The following UNC5C variants were observed in gnomAD, a reference collection of about 807,000 sequenced individuals.
UNC5C encodes the protein netrin receptor UNC5C.
UNC5C carries 47 observed loss-of-function variants against 99.8 expected under a neutral mutation model. The ratio of observed to expected loss-of-function variants is 0.47; its 90% CI spans 0.37 to 0.60. UNC5C has a LOEUF of 0.60. Among genes scored for constraint, UNC5C ranks in the 20% least tolerant of loss-of-function variants. UNC5C has a pLI of 0.00. For missense variants in UNC5C, 1,062 were observed against 1,165.9 expected, an observed-to-expected ratio of 0.91 and a Z score of 1.30; for synonymous variants, 487 against 452.2, an observed-to-expected ratio of 1.08 and a Z score of -0.98.
At chr4:95,187,888 C>T (rs1736899060) in intron 12 of UNC5C, among the ~76,000 whole-genome samples, 1 of 152,120 alleles carries the variant, frequency 6.6e-6, no homozygotes, top group Non-Finnish European at 1.5e-5. Context: ...GACATAAACC[C>T]TGGGGAAAGA....
chr4:95,484,763 G>C (rs1280071441), intron 1 of UNC5C, among the ~76,000 whole-genome samples: 1 of 151,836 alleles, frequency 6.6e-6, no homozygotes, highest in South Asian at 2.1e-4. Flanking sequence ...AGCCTGTTCC[G>C]AAGAAATCAA....
intron 3 of UNC5C, among the ~76,000 whole-genome samples, chr4:95,295,599 T>C (rs1741643604): frequency 6.6e-6 from 1 of 152,204 alleles, no homozygotes. Flanking sequence ...GAAAGAACTA[T>C]GGGCCCCTCC....
intron 1 of UNC5C, among the ~76,000 whole-genome samples, chr4:95,457,377 C>A (rs190720603): frequency 6.6e-6 from 1 of 152,056 alleles, no homozygotes; most frequent in South Asian, 2.1e-4. Context: ...CAAACATGAA[C>A]ATTAACCCCT....
At chr4:95,242,400 A>G in intron 7 of UNC5C, 29 bp downstream of exon 7, 1 of 1,613,380 alleles carries the variant, frequency 6.2e-7, no homozygotes, top group Non-Finnish European at 8.5e-7. Flanking sequence ...AGCCCCCTCA[A>G]TGTCTGCAGT....
At chr4:95,534,685 TTAAC>T (rs1560497431) in intron 1 of UNC5C, among the ~76,000 whole-genome samples, 1 of 152,156 alleles carries the variant, frequency 6.6e-6, no homozygotes, top group South Asian at 2.1e-4. Flanking sequence ...ACTATAGAGT[TTAAC>T]TAGTCTGTTC....
rs534529055 is a variant in UNC5C at position 95,435,598 on chromosome 4, C to T, written c.125-99967G>A. Among the ~76,000 whole-genome samples, 369 of 152,110 alleles carry T rather than the reference C, an allele frequency of 2.4e-3. 1 individual carries two copies. Among genetic ancestry groups the T allele is most frequent in the African/African-American group, 8.6e-3 (359 of 41,508 alleles). On this transcript the variant is annotated intron_variant, in intron 1 of 15. Transcript: ENST00000453304. ...CAATATACAAAATACATACACATAA[C>T]CCTTCAAACATCTAACAGGTATCTC...
intron 4 of UNC5C, among the ~76,000 whole-genome samples, chr4:95,267,031 ACC>A (rs964574054): frequency 1.3e-5 from 2 of 152,136 alleles, no homozygotes; most frequent in African/African-American, 4.8e-5. Context: ...ATATAATGGG[ACC>A]CCATTTAGAT....
chr4:95,360,322 G>C (rs1744349184), intron 1 of UNC5C, among the ~76,000 whole-genome samples: 1 of 152,058 alleles, frequency 6.6e-6, no homozygotes, highest in African/African-American at 2.4e-5. Flanking sequence ...CTGGTAATCT[G>C]TAAGTTAAAG....
chr4:95,366,438 C>T (rs1744573505), intron 1 of UNC5C, among the ~76,000 whole-genome samples: 1 of 152,226 alleles, frequency 6.6e-6, no homozygotes. Context: ...GGAACTCTAA[C>T]TGCCTGGAGC....
intron 1 of UNC5C, among the ~76,000 whole-genome samples, chr4:95,517,335 T>G (rs982569604): frequency 2.0e-5 from 3 of 152,172 alleles, no homozygotes; most frequent in African/African-American, 7.2e-5. Context: ...AGGGGATTTC[T>G]AACTCCCAGT....
chr4:95,182,712 A>ATATT (rs1553950213), intron 14 of UNC5C, among the ~76,000 whole-genome samples, 185 bp downstream of exon 14: 67 of 151,866 alleles, frequency 4.4e-4, no homozygotes, highest in African/African-American at 1.4e-3. Context: ...TAATATATAT[A>ATATT]TATTTTTTTC....
At chr4:95,324,602 TC>T (rs1742822477) in intron 2 of UNC5C, among the ~76,000 whole-genome samples, 1 of 152,174 alleles carries the variant, frequency 6.6e-6, no homozygotes, top group South Asian at 2.1e-4. Flanking sequence ...ATGGTCTCAT[TC>T]ATATCCCCTC....
chr4:95,322,160 A>T (rs920742646), intron 2 of UNC5C, among the ~76,000 whole-genome samples: 6 of 152,210 alleles, frequency 3.9e-5, no homozygotes, highest in Admixed American at 1.3e-4. Context: ...ATTTAAGCAA[A>T]ACCCACATAA....
chr4:95,462,102 C>A (rs556902175), intron 1 of UNC5C, among the ~76,000 whole-genome samples: 1 of 151,880 alleles, frequency 6.6e-6, no homozygotes, highest in Non-Finnish European at 1.5e-5. Context: ...AAAATATAAC[C>A]GCGTTCAAGA....
intron 1 of UNC5C, among the ~76,000 whole-genome samples, chr4:95,342,682 T>C (rs948317768): frequency 1.3e-5 from 2 of 151,844 alleles, no homozygotes; most frequent in African/African-American, 4.8e-5. Flanking sequence ...GCACCTTAAG[T>C]ACCAACTCAG....
chr4:95,206,532 A>G (rs950890977), intron 11 of UNC5C, 96 bp downstream of exon 11: 2 of 1,551,038 alleles, frequency 1.3e-6, no homozygotes, highest in African/African-American at 2.7e-5. Flanking sequence ...AATTCCACTC[A>G]TGTTTTGCTT....
intron 1 of UNC5C, among the ~76,000 whole-genome samples, chr4:95,488,085 T>C (rs1721376562): frequency 6.6e-6 from 1 of 151,732 alleles, no homozygotes; most frequent in Admixed American, 6.6e-5. Flanking sequence ...AACAAAGCAA[T>C]TTAGTCCCAT....
chr4:95,503,843 C>T (rs1045370579), intron 1 of UNC5C, among the ~76,000 whole-genome samples: 1 of 152,086 alleles, frequency 6.6e-6, no homozygotes, highest in Admixed American at 6.6e-5. Flanking sequence ...TCCATCTGCT[C>T]CCCCACCATT....
chr4:95,393,651 GACCCTGAATTACA>G (rs1560816882), intron 1 of UNC5C, among the ~76,000 whole-genome samples: 2 of 152,004 alleles, frequency 1.3e-5, no homozygotes, highest in Non-Finnish European at 2.9e-5. Flanking sequence ...TATCCATCTT[GACCCTGAATTACA>G]GATATGAGTG....
Sources: allele counts gnomAD v4.1 joint callset (sites outside exome capture counted in the v4.1 genomes callset), GRCh38; gene constraint gnomAD v4.1.1; transcripts MANE v1.5; gene names NCBI Gene and HGNC (gene_info 2026-07-23, HGNC 2026-07-21).